Variants in LRRC27 observed in about 807,000 individuals in gnomAD.
The protein encoded by LRRC27 is leucine-rich repeat-containing protein 27.
In LRRC27, 57 loss-of-function variants were observed where a neutral mutation model predicts 55.0. That is an observed-to-expected ratio of 1.04 (90% CI 0.84 to 1.29). The LOEUF (loss-of-function observed/expected upper bound fraction) is 1.29, where lower values mean the gene tolerates loss of function less well. Among genes scored for constraint, LRRC27 ranks in the 50% most tolerant of loss-of-function variants. LRRC27 has a pLI of 0.00. For missense variants in LRRC27, 721 were observed against 651.5 expected, an observed-to-expected ratio of 1.11 and a Z score of -1.16; for synonymous variants, 278 against 251.9, an observed-to-expected ratio of 1.10 and a Z score of -0.98.
At chr10:132,340,880 CA>C (rs35586925) in intron 3 of LRRC27, among the ~76,000 whole-genome samples, 15,278 of 99,396 alleles carry the variant, frequency 0.15, 1,171 homozygotes, top group African/African-American at 0.33. Flanking sequence ...GACTCCATCT[CA>C]AAAAAAAAAA....
intron 2 of LRRC27, chr10:132,337,069 G>C (rs2067169460): frequency 7.7e-6 from 10 of 1,294,692 alleles, no homozygotes; most frequent in Non-Finnish European, 8.8e-6. Flanking sequence ...TGATCGTAGA[G>C]AACACCACGG....
At chr10:132,366,845 G>T (rs1253009985) in intron 10 of LRRC27, 2 of 1,280,888 alleles carry the variant, frequency 1.6e-6, no homozygotes, top group Non-Finnish European at 2.0e-6. Context: ...CTCTCTCCTA[G>T]AGCCGGAGAT....
Position 132,348,042 on chromosome 10 carries a change from G to T in LRRC27, c.612G>T (p.Leu204Phe), listed in dbSNP as rs555278159. The T allele has an allele frequency of 1.2e-6, 2 of 1,613,808 alleles. No individual in the cohort carries two copies. Among genetic ancestry groups the T allele is most frequent in the East Asian group, 2.2e-5 (1 of 44,882 alleles). The change falls in exon 6 of 11, where the codon TTG becomes TTT. Residue 204 changes from leucine to phenylalanine, a missense_variant. By Grantham distance (22) the Leu-to-Phe change is conservative. Transcript: ENST00000368614. This position sits in a 1 kb window ranked among gnomAD's most constrained non-coding sequence, Gnocchi z 4.2. ...LRDLPSPGLELSGDHASNQGA... is the reference protein window; with the variant it reads ...LRDLPSPGLEFSGDHASNQGA... ...ACCTCCCGAGCCCAGGACTGGAGTT[G>T]TCTGGAGACCACGCGTCTAACCAAG... is the stretch of plus-strand genomic sequence containing the variant.
rs1019243189 is a variant in LRRC27 at position 132,351,308 on chromosome 10, T to C, written c.927-299T>C. ...TGGTCTCAAGCAGGTCGGGTGCAGC[T>C]GCCGAGGCTGCACGTCCTTCAGGTG... On this transcript the variant is annotated intron_variant, in intron 6 of 10. Transcript: ENST00000368614. 9.0e-6 allele frequency: 3 copies of C among 331,908 alleles called. No individual in the cohort carries two copies. In the Admixed American group the frequency reaches 1.2e-4, roughly 14 times the overall value. The allele number at this position is 331,908 out of a possible 1,614,324, so 20.6% of individuals were successfully genotyped here. A position where few individuals can be genotyped will look rare whatever the true frequency, so the allele number is the denominator to read the frequency against.
intron 10 of LRRC27, chr10:132,366,349 A>G (rs116484078): frequency 1.4e-4 from 21 of 152,726 alleles, no homozygotes; most frequent in African/African-American, 5.0e-4. Flanking sequence ...GAGCCTCCTA[A>G]GCAGAACTGC....
chr10:132,346,843 A>G lies in LRRC27; in HGVS notation c.554-1141A>G, dbSNP rs530125234. 3.9e-5 allele frequency among the ~76,000 whole-genome samples: 6 copies of G among 152,268 alleles called. No individual in the cohort carries two copies. In the South Asian group the frequency reaches 1.0e-3, roughly 26 times the overall value. ...AGGGGGAATTTTACAACTTCTTAGGACGTTTTGAAGCATGTTTGCCCATTT... is the reference window on the plus strand; with the variant it reads ...AGGGGGAATTTTACAACTTCTTAGGGCGTTTTGAAGCATGTTTGCCCATTT... On this transcript the variant is annotated intron_variant, in intron 5 of 10. Transcript: ENST00000368614.
In LRRC27 at chr10:132,348,844, A is replaced by G; in HGVS notation, c.926+488A>G. On this transcript the variant is annotated intron_variant, in intron 6 of 10. Transcript: ENST00000368614. This position sits in a 1 kb window ranked among gnomAD's most constrained non-coding sequence, Gnocchi z 4.2. ...GAAAGGTCAGTTATGCAGAAAATAA[A>G]TGGCAGCTGCCTGGGGACAAAAGGA... The G allele has an allele frequency of 1.5e-6, 1 of 674,452 alleles. No individual in the cohort carries two copies. The highest frequency in any genetic ancestry group is 2.6e-6 in the Non-Finnish European group (1 of 387,350). The allele number at this position is 674,452 out of a possible 1,614,324, so 41.8% of individuals were successfully genotyped here.
rs969282628 is a variant in LRRC27 at position 132,378,626 on chromosome 10, C to G, written c.*3384C>G. 1 of 152,234 alleles carries G rather than the reference C, an allele frequency of 6.6e-6. No individual in the cohort carries two copies. The highest frequency in any genetic ancestry group is 1.9e-4 in the East Asian group (1 of 5,202). The allele number at this position is 152,234 out of a possible 1,614,324, so 9.4% of individuals were successfully genotyped here. On this transcript the variant is annotated 3_prime_UTR_variant, in exon 11 of 11. Coordinates refer to ENST00000368614, the MANE Select transcript of LRRC27 (RefSeq NM_030626.3). ...CATCAGGCTAGATGCCTCCTGTCTA[C>G]GTGGTTTTAGATTTACGAATCCTGT... is the stretch of plus-strand genomic sequence containing the variant.
At chr10:132,347,307 G>A (rs547045985) in intron 5 of LRRC27, among the ~76,000 whole-genome samples, 20 of 149,686 alleles carry the variant, frequency 1.3e-4, no homozygotes, top group South Asian at 8.5e-4. Flanking sequence ...AGGGTCAGGC[G>A]TGCTCAGTGG....
At chr10:132,331,824 A>G (rs748707988), upstream of LRRC27, 4 of 1,544,064 alleles carry the variant, frequency 2.6e-6, no homozygotes, top group South Asian at 3.4e-5. Flanking sequence ...CCACCCCTTC[A>G]AGGCCGCGGG....
intron 5 of LRRC27, among the ~76,000 whole-genome samples, chr10:132,347,061 T>G (rs1457045666): frequency 6.6e-6 from 1 of 152,214 alleles, no homozygotes; most frequent in Non-Finnish European, 1.5e-5. Flanking sequence ...CCAAAGTGCC[T>G]GGAGTGCCTC....
Position 132,365,459 on chromosome 10 carries a change from AAC to A in LRRC27, c.1327_1328del (p.Gln443AlafsTer7). ...GAGAGAAATTTAGAAGAGAAGATAA[AAC>A]AGCACGTCCTCCAAATGCGTGAGCA... On this transcript the variant is annotated frameshift_variant, in exon 10 of 11. Coordinates refer to ENST00000368614, the MANE Select transcript of LRRC27 (RefSeq NM_030626.3). LOFTEE classifies it high-confidence loss of function. 1 of 1,613,688 alleles carries A rather than the reference AAC, an allele frequency of 6.2e-7. No individual in the cohort carries two copies. Among genetic ancestry groups the A allele is most frequent in the Non-Finnish European group, 8.5e-7 (1 of 1,179,944 alleles).
chr10:132,372,055 C>T lies in LRRC27; in HGVS notation c.1417-3011C>T, dbSNP rs1211584345. ...ATGCCAGCAAAGATGCACAGTGATGCAGCCCCAGAGCCTGAAAAGCACAGG... is the reference window on the plus strand; with the variant it reads ...ATGCCAGCAAAGATGCACAGTGATGTAGCCCCAGAGCCTGAAAAGCACAGG... On this transcript the variant is annotated intron_variant, in intron 10 of 10. Transcript: ENST00000368614. The surrounding 1 kb of genome is among the most constrained non-coding windows in gnomAD (Gnocchi z 4.0). 6.6e-6 allele frequency among the ~76,000 whole-genome samples: 1 copy of T among 152,266 alleles called. No homozygotes were observed. Among genetic ancestry groups the T allele is most frequent in the Non-Finnish European group, 1.5e-5 (1 of 68,050 alleles).
intron 7 of LRRC27, chr10:132,352,831 G>A (rs369822603): frequency 1.9e-5 from 31 of 1,599,302 alleles, no homozygotes; most frequent in South Asian, 3.4e-5. Flanking sequence ...GCTTCCTCAC[G>A]ACACCTGCCT....
Position 132,348,365 on chromosome 10 carries a change from GAA to G in LRRC27, c.926+12_926+13del. 1.9e-6 allele frequency: 3 copies of G among 1,600,594 alleles called. No homozygotes were observed. Among genetic ancestry groups the G allele is most frequent in the East Asian group, 4.5e-5 (2 of 44,630 alleles). On this transcript the variant is annotated intron_variant, in intron 6 of 10. Transcript: ENST00000368614. The surrounding 1 kb of genome is among the most constrained non-coding windows in gnomAD (Gnocchi z 4.2). ...CCAAGACACGTTTTCAGGTAAAACT[GAA>G]AAGCAACGGGGGATTTTCTTGATCT...
At chr10:132,368,901 C>T (rs906725530) in intron 10 of LRRC27, among the ~76,000 whole-genome samples, 3 of 151,956 alleles carry the variant, frequency 2.0e-5, no homozygotes, top group African/African-American at 4.8e-5. Flanking sequence ...AAGATACACC[C>T]GATAAAGGAA....
rs1192190214 is a variant in LRRC27 at position 132,348,881 on chromosome 10, G to T, written c.926+525G>T. ...TGGGGACAAAAGGAAGGCAGTCATTGTGTGGCCCACTTCCAAAGCTTGCCT... is the reference window on the plus strand; with the variant it reads ...TGGGGACAAAAGGAAGGCAGTCATTTTGTGGCCCACTTCCAAAGCTTGCCT... On this transcript the variant is annotated intron_variant, in intron 6 of 10. Transcript: ENST00000368614. The surrounding 1 kb of genome is among the most constrained non-coding windows in gnomAD (Gnocchi z 4.2). The T allele has an allele frequency of 4.2e-6, 4 of 946,886 alleles. 1 individual carries two copies. The highest frequency in any genetic ancestry group is 4.9e-6 in the Non-Finnish European group (3 of 606,642). The allele number at this position is 946,886 out of a possible 1,614,324, so 58.7% of individuals were successfully genotyped here. A position where few individuals can be genotyped will look rare whatever the true frequency, so the allele number is the denominator to read the frequency against.
chr10:132,342,867 A>G (rs983188196), intron 4 of LRRC27, among the ~76,000 whole-genome samples: 1 of 152,192 alleles, frequency 6.6e-6, no homozygotes, highest in African/African-American at 2.4e-5. Flanking sequence ...ATTTATGAGT[A>G]CTCATTTATT....
chr10:132,364,066 A>AC (rs960525565), intron 9 of LRRC27, among the ~76,000 whole-genome samples: 4 of 151,852 alleles, frequency 2.6e-5, no homozygotes, highest in Admixed American at 1.3e-4. Context: ...TGGCCCGCTA[A>AC]CCCCCCATCA....
Sources: allele counts gnomAD v4.1 joint callset (sites outside exome capture counted in the v4.1 genomes callset), GRCh38; gene constraint gnomAD v4.1.1; non-coding constraint Gnocchi (gnomAD v3.1); transcripts MANE v1.5; gene names NCBI Gene and HGNC (gene_info 2026-07-23, HGNC 2026-07-21).